The following PDE10A variants were observed in gnomAD, a reference collection of about 807,000 sequenced individuals.
PDE10A encodes phosphodiesterase 10A.
A neutral mutation model predicts 97.7 loss-of-function variants in PDE10A; 39 were observed. The ratio of observed to expected loss-of-function variants is 0.40; its 90% CI spans 0.31 to 0.52. PDE10A has a LOEUF of 0.52. Ranked by LOEUF, PDE10A falls within the 20% of genes least tolerant of loss-of-function variation. The pLI, the probability that PDE10A is intolerant of heterozygous loss-of-function variation, is 0.56. For synonymous variants in PDE10A, 371 were observed against 376.8 expected (o/e 0.98, Z 0.18); for missense variants, 731 against 1,047.8 (o/e 0.70, Z 4.17).
At chr6:165,444,478 C>A (rs1790695474) in intron 5 of PDE10A, among the ~76,000 whole-genome samples, 1 of 152,046 alleles carries the variant, frequency 6.6e-6, no homozygotes, top group Non-Finnish European at 1.5e-5. Context: ...ATTAAAAATA[C>A]TACTATTTTT....
chr6:165,707,643 A>G (rs1386690396), intron 1 of PDE10A, among the ~76,000 whole-genome samples: 2 of 151,476 alleles, frequency 1.3e-5, no homozygotes, highest in Non-Finnish European at 2.9e-5. Context: ...GTGTGTGCGC[A>G]TGTTTGGGTA....
intron 13 of PDE10A, among the ~76,000 whole-genome samples, chr6:165,400,239 A>G (rs187851612): frequency 2.2e-4 from 32 of 147,808 alleles, no homozygotes; most frequent in Admixed American, 1.7e-3. Context: ...AAACTTCTAG[A>G]AAAAAAAAAC....
At chr6:165,638,177 A>C (rs2128418384) in intron 1 of PDE10A, among the ~76,000 whole-genome samples, 2 of 150,440 alleles carry the variant, frequency 1.3e-5, no homozygotes. Context: ...ACTTCCCACC[A>C]CCCTCCCCCC....
chr6:165,363,533 C>A (rs1187983756), intron 18 of PDE10A, among the ~76,000 whole-genome samples: 2 of 150,572 alleles, frequency 1.3e-5, no homozygotes, highest in African/African-American at 2.4e-5. Flanking sequence ...AAAAAAAAAA[C>A]AGAAAAGAAA....
intron 1 of PDE10A, among the ~76,000 whole-genome samples, chr6:165,619,238 TGTG>T (rs1787910178): frequency 7.0e-6 from 1 of 142,748 alleles, no homozygotes; most frequent in South Asian, 2.2e-4. Context: ...TGTAGACTAG[TGTG>T]GTGTAGTGTA....
intron 13 of PDE10A, among the ~76,000 whole-genome samples, chr6:165,401,591 T>C (rs972120216): frequency 6.6e-6 from 1 of 152,192 alleles, no homozygotes; most frequent in Non-Finnish European, 1.5e-5. Context: ...CATTCTGAAA[T>C]CATCTTCATA....
chr6:165,818,773 T>C (rs1779486441), intron 1 of PDE10A, among the ~76,000 whole-genome samples: 1 of 152,214 alleles, frequency 6.6e-6, no homozygotes, highest in Non-Finnish European at 1.5e-5. Flanking sequence ...CACGAATTTA[T>C]TTGCAGCAAA....
intron 3 of PDE10A, among the ~76,000 whole-genome samples, chr6:165,452,428 AC>A (rs1246306517): frequency 2.0e-5 from 3 of 152,204 alleles, no homozygotes; most frequent in African/African-American, 7.2e-5. Flanking sequence ...GAGAGGTGGG[AC>A]CTTTAAAAGG....
At chr6:165,951,539 A>C (rs1315922543) in intron 1 of PDE10A, among the ~76,000 whole-genome samples, 2 of 152,048 alleles carry the variant, frequency 1.3e-5, no homozygotes, top group Non-Finnish European at 2.9e-5. Context: ...AGCGACATCC[A>C]GCTTCTTCTG....
chr6:165,929,459 C>T (rs1014491110), intron 1 of PDE10A, among the ~76,000 whole-genome samples: 2 of 152,204 alleles, frequency 1.3e-5, no homozygotes, highest in African/African-American at 4.8e-5. Context: ...TACAACATTG[C>T]TGTGAAGGCC....
At position 165,828,418 on chromosome 6, in the gene PDE10A, A is replaced by G. The variant is rs149790033; in HGVS notation, c.-615+159111T>C. On this transcript the variant is annotated intron_variant, in intron 1 of 19. Transcript: ENST00000366882. ...GGGGTGTTGGGACAGAAGTGTAAGT[A>G]AGTTTAAACAAAAGTGAAATGCAGG... Among the ~76,000 whole-genome samples, 170 of 152,364 alleles carry G rather than the reference A, an allele frequency of 1.1e-3. 3 individuals carry two copies. The East Asian group carries it at 0.03, about 27-fold the overall frequency.
At chr6:165,731,953 T>C (rs1209724274) in intron 1 of PDE10A, among the ~76,000 whole-genome samples, 3 of 152,222 alleles carry the variant, frequency 2.0e-5, no homozygotes, top group East Asian at 1.9e-4. Context: ...AAATTAACTT[T>C]TCTAAATTTA....
intron 1 of PDE10A, among the ~76,000 whole-genome samples, chr6:165,724,922 G>A (rs1483486224): frequency 6.6e-6 from 1 of 152,176 alleles, no homozygotes; most frequent in Admixed American, 6.5e-5. Context: ...ATGGGAGGGG[G>A]GCTCGCAAGT....
chr6:165,879,775 GA>G (rs1374552422), intron 1 of PDE10A, among the ~76,000 whole-genome samples: 1 of 152,074 alleles, frequency 6.6e-6, no homozygotes, highest in Non-Finnish European at 1.5e-5. Context: ...TTATTTATAT[GA>G]TTTTTTTGTC....
chr6:165,616,513 G>C (rs1168182149), intron 1 of PDE10A, among the ~76,000 whole-genome samples: 1 of 152,030 alleles, frequency 6.6e-6, no homozygotes, highest in Non-Finnish European at 1.5e-5. Flanking sequence ...GATCTTTTGT[G>C]GATTTTTCTA....
At chr6:165,749,193 T>C (rs62424943) in intron 1 of PDE10A, among the ~76,000 whole-genome samples, 13 of 1,704 alleles carry the variant, frequency 7.6e-3, no homozygotes, top group East Asian at 0.02. Flanking sequence ...ATCACTGTCA[T>C]CACCATCACC....
In PDE10A at chr6:165,582,632, C is replaced by T. The variant is rs1785680872; in HGVS notation, c.866-39064G>A. 2.0e-5 allele frequency among the ~76,000 whole-genome samples: 3 copies of T among 150,794 alleles called. No individual in the cohort carries two copies. The South Asian group carries it at 6.3e-4, about 32-fold the overall frequency. On this transcript the variant is annotated intron_variant, in intron 1 of 21. Transcript: ENST00000539869. ...ACTCAAAGGAAAAAAAATAACTATA[C>T]ACCAAAAGAAACACCATGGATTCAA...
intron 1 of PDE10A, among the ~76,000 whole-genome samples, chr6:165,837,436 T>G (rs1470073885): frequency 3.9e-5 from 6 of 152,206 alleles, no homozygotes; most frequent in African/African-American, 7.2e-5. Context: ...TTCCTTTCTC[T>G]GCTTTCAAAC....
At chr6:165,614,884 AG>A (rs1787655406) in intron 1 of PDE10A, among the ~76,000 whole-genome samples, 1 of 151,972 alleles carries the variant, frequency 6.6e-6, no homozygotes, top group Non-Finnish European at 1.5e-5. Flanking sequence ...ATCCAAGTGA[AG>A]TGTTAAACCC....
Sources: allele counts gnomAD v4.1 joint callset (sites outside exome capture counted in the v4.1 genomes callset), GRCh38; gene constraint gnomAD v4.1.1; transcripts MANE v1.5; gene names NCBI Gene and HGNC (gene_info 2026-07-23, HGNC 2026-07-21).